ACER3: variants seen among roughly 807,000 people sequenced by gnomAD.
ACER3 encodes the protein alkaline ceramidase 3.
In ACER3, 16 loss-of-function variants were observed where a neutral mutation model predicts 48.9. The observed-to-expected ratio is 0.33, with a 90% CI of 0.22 to 0.50. The LOEUF is 0.50. Among genes scored for constraint, ACER3 ranks in the 20% least tolerant of loss-of-function variants. The probability of loss-of-function intolerance (pLI) is 0.98; values close to 1 mark genes in which losing one functional copy is unlikely to be tolerated. For synonymous variants in ACER3, 109 were observed against 107.8 expected (o/e 1.01, Z -0.07); for missense variants, 227 against 326.0 (o/e 0.70, Z 2.34).
In ACER3 at chr11:77,025,804, T is replaced by C. The variant is rs1405754353; in HGVS notation, c.*5477T>C. Reference sequence around the variant, plus strand: ...AAATGTTTACTCTCTGGCTTGGGAGTTTGTCTCCCCTGCTCTAGACTGTCA... The same window carrying C: ...AAATGTTTACTCTCTGGCTTGGGAGCTTGTCTCCCCTGCTCTAGACTGTCA... On this transcript the variant is annotated 3_prime_UTR_variant, in exon 11 of 11. Transcript: ENST00000532485. 2 of 152,152 alleles carry C rather than the reference T, an allele frequency of 1.3e-5. No individual in the cohort carries two copies. Among genetic ancestry groups the C allele is most frequent in the Non-Finnish European group, 2.9e-5 (2 of 68,044 alleles). The allele number at this position is 152,152 out of a possible 1,614,324, so 9.4% of individuals were successfully genotyped here.
At chr11:76,878,355 C>T (rs1945437877) in intron 1 of ACER3, among the ~76,000 whole-genome samples, 1 of 151,966 alleles carries the variant, frequency 6.6e-6, no homozygotes, top group Admixed American at 6.6e-5. Context: ...GACCCCTTTA[C>T]ACATTTAAAA....
chr11:76,892,511 G>A lies in ACER3; in HGVS notation c.103+31432G>A, dbSNP rs544581815. Among the ~76,000 whole-genome samples the A allele has an allele frequency of 8.5e-5, 13 of 152,230 alleles. No individual in the cohort carries two copies. The East Asian group carries it at 2.5e-3, about 29-fold the overall frequency. ...CTCTGTTTGCTGCTGTGGCACACTT[G>A]TCTTGGCTGACTGACCCCATTTTCT... is the stretch of plus-strand genomic sequence containing the variant. On this transcript the variant is annotated intron_variant, in intron 1 of 10. Coordinates refer to ENST00000532485, the MANE Select transcript of ACER3 (RefSeq NM_018367.7).
intron 1 of ACER3, among the ~76,000 whole-genome samples, chr11:76,870,879 G>A (rs1159220829): frequency 6.6e-6 from 1 of 152,172 alleles, no homozygotes; most frequent in Non-Finnish European, 1.5e-5. Flanking sequence ...GTGGATAAAT[G>A]TGATTTTTGA....
At chr11:77,004,337 T>G (rs1459405869) in intron 7 of ACER3, among the ~76,000 whole-genome samples, 1 of 152,222 alleles carries the variant, frequency 6.6e-6, no homozygotes, top group Non-Finnish European at 1.5e-5. Flanking sequence ...TTTTCTAAAG[T>G]CTCAGAAGTT....
chr11:76,950,872 T>C (rs574254018), intron 2 of ACER3, among the ~76,000 whole-genome samples: 8 of 152,290 alleles, frequency 5.3e-5, no homozygotes, highest in African/African-American at 1.9e-4. Flanking sequence ...AAAGATAATA[T>C]GGACGATCTT....
chr11:76,917,910 A>C (rs1462528570), intron 1 of ACER3, among the ~76,000 whole-genome samples: 2 of 151,846 alleles, frequency 1.3e-5, no homozygotes, highest in African/African-American at 4.8e-5. Flanking sequence ...TGACTCTTGT[A>C]GTAATAAAAA....
intron 2 of ACER3, among the ~76,000 whole-genome samples, chr11:76,941,159 A>G (rs1418765062): frequency 1.3e-5 from 2 of 152,160 alleles, no homozygotes; most frequent in African/African-American, 4.8e-5. Flanking sequence ...TACCGTAACA[A>G]GATTTTCAGT....
intron 4 of ACER3, among the ~76,000 whole-genome samples, chr11:76,980,316 A>G (rs566414853): frequency 6.6e-6 from 1 of 152,346 alleles, no homozygotes; most frequent in Non-Finnish European, 1.5e-5. Context: ...TTCTTGAGCT[A>G]GCAATTATGA....
intron 1 of ACER3, among the ~76,000 whole-genome samples, chr11:76,899,265 G>A (rs903989045): frequency 1.3e-5 from 2 of 152,044 alleles, no homozygotes; most frequent in African/African-American, 4.8e-5. Context: ...ATCTGTTTGG[G>A]GAATATTTAT....
At chr11:76,911,016 A>G (rs1426478215) in intron 1 of ACER3, among the ~76,000 whole-genome samples, 1 of 152,132 alleles carries the variant, frequency 6.6e-6, no homozygotes. Flanking sequence ...TATTAAGATT[A>G]CTCTCTACAG....
intron 4 of ACER3, among the ~76,000 whole-genome samples, chr11:76,977,771 G>C (rs531571247): frequency 1.3e-5 from 2 of 152,288 alleles, no homozygotes; most frequent in South Asian, 2.1e-4. Flanking sequence ...ACACTCCCGG[G>C]CACAGCTGCA....
At chr11:76,949,717 G>A (rs1947585237) in intron 2 of ACER3, among the ~76,000 whole-genome samples, 1 of 152,138 alleles carries the variant, frequency 6.6e-6, no homozygotes, top group Non-Finnish European at 1.5e-5. Flanking sequence ...TGTACTTTCT[G>A]ATAAATTGTA....
chr11:76,963,981 G>A (rs913074059), intron 3 of ACER3, among the ~76,000 whole-genome samples: 1 of 151,426 alleles, frequency 6.6e-6, no homozygotes, highest in African/African-American at 2.5e-5. Flanking sequence ...GTCAGTGGGT[G>A]CAGTGCATGT....
At position 77,015,005 on chromosome 11, in the gene ACER3, C is replaced by T. The variant is rs1274910128; in HGVS notation, c.498-11C>T. The T allele has an allele frequency of 2.0e-6, 3 of 1,479,892 alleles. No individual in the cohort carries two copies. Among genetic ancestry groups the T allele is most frequent in the South Asian group, 2.3e-5 (2 of 86,676 alleles). The allele number at this position is 1,479,892 out of a possible 1,614,324, so 91.7% of individuals were successfully genotyped here. A position where few individuals can be genotyped will look rare whatever the true frequency, so the allele number is the denominator to read the frequency against. ...AAATTTTATTTTGCTTTTCTGTTTT[C>T]CCCCCCACAGGGTTTATCCATGGCT... On this transcript the variant is annotated splice_polypyrimidine_tract_variant and intron_variant, in intron 7 of 10. Transcript: ENST00000532485.
intron 2 of ACER3, among the ~76,000 whole-genome samples, chr11:76,945,563 C>G (rs973661098): frequency 6.6e-6 from 1 of 152,100 alleles, no homozygotes; most frequent in African/African-American, 2.4e-5. Flanking sequence ...GGCTTGGACA[C>G]CCGCTGAGCC....
chr11:76,905,029 T>G (rs1343208003), intron 1 of ACER3, among the ~76,000 whole-genome samples: 4 of 152,138 alleles, frequency 2.6e-5, no homozygotes. Context: ...TTTTTGTATT[T>G]TTAATAGAGA....
chr11:76,959,203 G>T, intron 3 of ACER3, 172 bp downstream of exon 3: 1 of 1,499,902 alleles, frequency 6.7e-7, no homozygotes, highest in African/African-American at 1.4e-5. Context: ...ATAAGCAGGT[G>T]AGTCCATAAG....
chr11:77,005,111 C>G (rs568138691), intron 7 of ACER3, among the ~76,000 whole-genome samples: 5 of 148,802 alleles, frequency 3.4e-5, no homozygotes, highest in Non-Finnish European at 7.4e-5. Flanking sequence ...GATCTCAGCT[C>G]ACTGCAAACT....
chr11:76,978,072 G>T (rs1388003912), intron 4 of ACER3, among the ~76,000 whole-genome samples: 1 of 152,198 alleles, frequency 6.6e-6, no homozygotes, highest in African/African-American at 2.4e-5. Flanking sequence ...GGGACTGAGG[G>T]CAGCTTGGTG....
Sources: allele counts gnomAD v4.1 joint callset (sites outside exome capture counted in the v4.1 genomes callset), GRCh38; gene constraint gnomAD v4.1.1; transcripts MANE v1.5; gene names NCBI Gene and HGNC (gene_info 2026-07-23, HGNC 2026-07-21).